The following SAP130 variants were observed in gnomAD, a reference collection of about 807,000 sequenced individuals.
SAP130 encodes the protein Sin3A associated protein 130, also known as histone deacetylase complex subunit SAP130.
SAP130 carries 16 observed loss-of-function variants against 103.2 expected under a neutral mutation model. That is an observed-to-expected ratio of 0.16 (90% CI 0.10 to 0.24). SAP130 has a LOEUF of 0.24. Among genes scored for constraint, SAP130 ranks in the 10% least tolerant of loss-of-function variants. The probability of loss-of-function intolerance (pLI) is 1.00; values close to 1 mark genes in which losing one functional copy is unlikely to be tolerated. For missense variants in SAP130, 990 were observed against 1,359.7 expected (o/e 0.73, Z 4.28); for synonymous variants, 477 against 497.0 (o/e 0.96, Z 0.53).
rs71935874 is a variant in SAP130 at position 128,004,361 on chromosome 2, CTTTTTTTT to C, written c.870-3915_870-3908del. Among the ~76,000 whole-genome samples the C allele has an allele frequency of 1.5e-3, 112 of 76,026 alleles. 2 individuals are homozygous for C. The highest frequency in any genetic ancestry group is 4.0e-3 in the African/African-American group (91 of 22,594). The allele number at this position is 76,026 out of a possible 152,430, so 49.9% of individuals were successfully genotyped here. ...AGTGAAAGGAGGATTGCTTTCTTTCCTTTTTTTTTTTTTTTTTTTTTTTTTTTAAAGCG... is the reference window on the plus strand; with the variant it reads ...AGTGAAAGGAGGATTGCTTTCTTTCCTTTTTTTTTTTTTTTTTTTAAAGCG... On this transcript the variant is annotated intron_variant, in intron 7 of 20. Transcript: ENST00000643581.
intron 19 of SAP130, among the ~76,000 whole-genome samples, chr2:127,944,747 T>C (rs543600748): frequency 1.3e-5 from 2 of 151,938 alleles, no homozygotes; most frequent in Admixed American, 1.3e-4. Context: ...TTTTAAAAAA[T>C]CAGCTGTGTG....
At chr2:127,977,335 C>CAAAA (rs36038328) in intron 15 of SAP130, among the ~76,000 whole-genome samples, 3 of 111,758 alleles carry the variant, frequency 2.7e-5, no homozygotes, top group Non-Finnish European at 5.2e-5. Context: ...ACTTAAAATA[C>CAAAA]AAAAAAAAAA....
intron 13 of SAP130, among the ~76,000 whole-genome samples, chr2:127,987,174 A>G (rs189031441): frequency 1.1e-3 from 162 of 152,284 alleles, no homozygotes; most frequent in Non-Finnish European, 2.0e-3. Flanking sequence ...TGCATGATCC[A>G]TACCATTATT....
intron 16 of SAP130, among the ~76,000 whole-genome samples, chr2:127,954,673 T>G (rs1384737648): frequency 2.0e-5 from 3 of 152,210 alleles, no homozygotes; most frequent in Admixed American, 2.0e-4. Flanking sequence ...TAGTATTTTC[T>G]TAATACTACT....
chr2:128,000,864 C>T (rs1683510778), intron 7 of SAP130, among the ~76,000 whole-genome samples: 1 of 152,156 alleles, frequency 6.6e-6, no homozygotes, highest in African/African-American at 2.4e-5. Flanking sequence ...ACTGCCACTG[C>T]ACTCCAGCCT....
At chr2:127,948,962 T>C (rs1290114161) in intron 18 of SAP130, among the ~76,000 whole-genome samples, 2 of 152,178 alleles carry the variant, frequency 1.3e-5, no homozygotes, top group African/African-American at 2.4e-5. Flanking sequence ...GTTCATATCC[T>C]ACTTCCACTA....
intron 10 of SAP130, among the ~76,000 whole-genome samples, chr2:127,999,113 A>G (rs1683369149): frequency 1.3e-5 from 2 of 152,210 alleles, no homozygotes; most frequent in African/African-American, 4.8e-5. Context: ...AAGACCCAAT[A>G]GTAGCACCCT....
intron 15 of SAP130, among the ~76,000 whole-genome samples, chr2:127,969,520 C>G (rs1044042169): frequency 4.6e-5 from 7 of 152,166 alleles, no homozygotes; most frequent in Admixed American, 4.6e-4. Context: ...GAGTTAAGAC[C>G]TGTATTAGAT....
intron 7 of SAP130, among the ~76,000 whole-genome samples, chr2:128,001,641 T>G (rs950279996): frequency 1.1e-4 from 16 of 152,204 alleles, no homozygotes; most frequent in Non-Finnish European, 1.0e-4. Context: ...CTGCCTACAG[T>G]ATTCAGTACA....
Position 128,010,156 on chromosome 2 carries a change from T to C in SAP130, c.869+113A>G. 8 of 1,158,720 alleles carry C rather than the reference T, an allele frequency of 6.9e-6. No individual in the cohort carries two copies. The South Asian group carries it at 1.0e-4, about 15-fold the overall frequency. The allele number at this position is 1,158,720 out of a possible 1,614,324, so 71.8% of individuals were successfully genotyped here. ...GGATTTAGAACACTACATAGCTCAT[T>C]ATAAAAAAAAAAAGCCACTCAATAA... On this transcript the variant is annotated intron_variant, in intron 7 of 20. Transcript: ENST00000643581.
chr2:127,982,259 T>C (rs77518172), intron 14 of SAP130, among the ~76,000 whole-genome samples: 1,645 of 152,224 alleles, frequency 0.011, 26 homozygotes, highest in African/African-American at 0.038. Flanking sequence ...GGCATGTTTA[T>C]ACTGTTTATG....
intron 14 of SAP130, among the ~76,000 whole-genome samples, chr2:127,981,291 AC>A (rs1171089223): frequency 6.8e-6 from 1 of 148,106 alleles, no homozygotes; most frequent in Non-Finnish European, 1.5e-5. Flanking sequence ...CAGCACTCCC[AC>A]CCTGACCCAG....
rs2104915958 is a variant in SAP130, at chr2:127,977,198, A to C, written c.2063+787T>G. 2.0e-5 allele frequency among the ~76,000 whole-genome samples: 3 copies of C among 152,162 alleles called. 1 individual carries two copies. The South Asian group carries it at 6.2e-4, about 32-fold the overall frequency. ...GGAATTAAGAAGAGAAAGAACAAAT[A>C]CTGTCATAAGGCCCGGCATGGTGGT... On this transcript the variant is annotated intron_variant, in intron 15 of 20. Transcript: ENST00000643581.
chr2:127,999,638 T>G, intron 10 of SAP130, 103 bp downstream of exon 10: 2 of 514,894 alleles, frequency 3.9e-6, no homozygotes, highest in South Asian at 6.2e-5. Context: ...AAAGAGGAAA[T>G]CAACAATGGT....
At chr2:128,006,858 A>G (rs1262823853) in intron 7 of SAP130, among the ~76,000 whole-genome samples, 1 of 152,196 alleles carries the variant, frequency 6.6e-6, no homozygotes, top group Non-Finnish European at 1.5e-5. Context: ...TATTTCTTCT[A>G]AGGAAATTGG....
Position 127,945,448 on chromosome 2 carries a change from CCA to C in SAP130, c.2901+6_2901+7del. The C allele has an allele frequency of 6.5e-7, 1 of 1,541,890 alleles. No individual in the cohort carries two copies. Among genetic ancestry groups the C allele is most frequent in the South Asian group, 1.1e-5 (1 of 89,662 alleles). The stretch of plus-strand genomic sequence containing the variant: ...AGCATGATGAACAACTGCTAGAACT[CCA>C]CCTACCAGCTGTAGTAACTGGGCAG... On this transcript the variant is annotated splice_donor_region_variant and intron_variant, in intron 19 of 20. Coordinates refer to ENST00000643581, the MANE Select transcript of SAP130 (RefSeq NM_001330301.2).
chr2:128,004,040 TGACATCTAC>T, intron 7 of SAP130, among the ~76,000 whole-genome samples: 1 of 142,946 alleles, frequency 7.0e-6, no homozygotes, highest in Non-Finnish European at 1.5e-5. Context: ...TTCAGTGATC[TGACATCTAC>T]AGAAAATACA....
chr2:127,984,392 G>A (rs1682221224), intron 14 of SAP130, among the ~76,000 whole-genome samples: 1 of 152,208 alleles, frequency 6.6e-6, no homozygotes, highest in South Asian at 2.1e-4. Context: ...TGTGGTTTCT[G>A]TCTTCCACCG....
chr2:127,952,388 T>C (rs1291100680), intron 16 of SAP130, among the ~76,000 whole-genome samples: 1 of 150,274 alleles, frequency 6.7e-6, no homozygotes, highest in Non-Finnish European at 1.5e-5. Flanking sequence ...AAGGCAGAGG[T>C]TGCAGTGAGC....
Sources: gnomAD v4.1 joint callset for allele counts (sites outside exome capture counted in the v4.1 genomes callset) on GRCh38, gnomAD v4.1.1 for gene constraint, MANE v1.5 for transcripts, NCBI Gene and HGNC (gene_info 2026-07-23, HGNC 2026-07-21) for gene names.